Variants in ZC3H11C observed in about 807,000 individuals in gnomAD.
ZC3H11C encodes zinc finger CCCH domain-containing protein 11C.
chr6:65,306,377 G>C, the ZC3H11C span, among the ~76,000 whole-genome samples: 1 of 152,166 alleles, frequency 6.6e-6, no homozygotes, highest in Non-Finnish European at 1.5e-5. Flanking sequence ...TTTATGTATC[G>C]ACACACCTCT....
the ZC3H11C span, among the ~76,000 whole-genome samples, chr6:65,306,260 C>T: frequency 1.3e-5 from 2 of 152,190 alleles, no homozygotes; most frequent in African/African-American, 4.8e-5. Context: ...AAGAGTTGAA[C>T]TTCACGTAGC....
At chr6:65,305,184 GA>G in the ZC3H11C span, among the ~76,000 whole-genome samples, 21 of 151,368 alleles carry the variant, frequency 1.4e-4, no homozygotes, top group East Asian at 3.9e-3. Flanking sequence ...CATCTTTTGA[GA>G]AAAAAGTTCT....
chr6:65,302,336 A>C, the ZC3H11C span, among the ~76,000 whole-genome samples: 1 of 152,208 alleles, frequency 6.6e-6, no homozygotes, highest in African/African-American at 2.4e-5. Context: ...ATTGGAACTC[A>C]GTGAAGACAC....
At chr6:65,305,139 T>C in the ZC3H11C span, among the ~76,000 whole-genome samples, 1 of 149,180 alleles carries the variant, frequency 6.7e-6, no homozygotes, top group East Asian at 2.0e-4. Flanking sequence ...AAAGTTACTT[T>C]ATAACCATTT....
the ZC3H11C span, among the ~76,000 whole-genome samples, chr6:65,305,916 A>G: frequency 6.6e-6 from 1 of 152,276 alleles, no homozygotes. Context: ...TATGGGCTGT[A>G]GCAGTACACT....
At chr6:65,302,652 GCTGTTTT>G in the ZC3H11C span, 1 of 1,314,676 alleles carries the variant, frequency 7.6e-7, no homozygotes, top group Non-Finnish European at 1.1e-6. Flanking sequence ...CAAGAAGGGC[GCTGTTTT>G]CGACGGGTGT....
the ZC3H11C span, among the ~76,000 whole-genome samples, chr6:65,305,807 T>C: frequency 6.6e-6 from 1 of 152,184 alleles, no homozygotes; most frequent in Non-Finnish European, 1.5e-5. Flanking sequence ...ATTTTTTATT[T>C]CTAATTCTCC....
the ZC3H11C span, among the ~76,000 whole-genome samples, chr6:65,305,496 G>A: frequency 6.6e-6 from 1 of 152,216 alleles, no homozygotes; most frequent in Admixed American, 6.5e-5. Flanking sequence ...AGAGGGCTGA[G>A]CAGCTCAGGA....
the ZC3H11C span, chr6:65,302,432 C>G: frequency 1.6e-6 from 1 of 632,734 alleles, no homozygotes; most frequent in Non-Finnish European, 2.9e-6. Flanking sequence ...AGATTAAACC[C>G]ATTTCACGAG....
the ZC3H11C span, among the ~76,000 whole-genome samples, chr6:65,305,285 C>G: frequency 1.3e-5 from 2 of 152,150 alleles, no homozygotes; most frequent in South Asian, 4.1e-4. Context: ...AGGTGTTTGT[C>G]AGTTTTGGCT....
At chr6:65,305,293 G>A in the ZC3H11C span, among the ~76,000 whole-genome samples, 3 of 152,276 alleles carry the variant, frequency 2.0e-5, no homozygotes, top group South Asian at 6.2e-4. Context: ...GTCAGTTTTG[G>A]CTTTTTTCTC....
chr6:65,302,317 G>T, the ZC3H11C span, among the ~76,000 whole-genome samples: 1 of 152,200 alleles, frequency 6.6e-6, no homozygotes, highest in Non-Finnish European at 1.5e-5. Flanking sequence ...CGACCTACAG[G>T]CGTAATAGAT....
At chr6:65,301,650 G>T in the ZC3H11C span, among the ~76,000 whole-genome samples, 1 of 152,230 alleles carries the variant, frequency 6.6e-6, no homozygotes, top group African/African-American at 2.4e-5. Flanking sequence ...ACCTTATTCC[G>T]GTATCCTACA....
chr6:65,302,375 A>G, the ZC3H11C span: 2 of 682,098 alleles, frequency 2.9e-6, no homozygotes, highest in Non-Finnish European at 5.3e-6. Flanking sequence ...CAATCAGCTA[A>G]TGATTACAGT....
the ZC3H11C span, chr6:65,302,849 G>T: frequency 6.2e-7 from 1 of 1,611,980 alleles, no homozygotes; most frequent in African/African-American, 1.3e-5. Context: ...TGAGTCACCA[G>T]AAGAGGAAGT....
At chr6:65,306,056 T>A in the ZC3H11C span, among the ~76,000 whole-genome samples, 1 of 152,186 alleles carries the variant, frequency 6.6e-6, no homozygotes, top group African/African-American at 2.4e-5. Flanking sequence ...AGGTTTAGAT[T>A]TGTGAAGGAA....
the ZC3H11C span, among the ~76,000 whole-genome samples, chr6:65,305,878 G>A: frequency 6.6e-6 from 1 of 152,088 alleles, no homozygotes; most frequent in Admixed American, 6.5e-5. Context: ...GGGAAAAAAT[G>A]AGCTTATTCA....
chr6:65,306,419 A>G, the ZC3H11C span, among the ~76,000 whole-genome samples: 2 of 152,180 alleles, frequency 1.3e-5, no homozygotes, highest in South Asian at 2.1e-4. Context: ...TGAATGTTGT[A>G]TGATAGCCCT....
chr6:65,301,870 G>A, the ZC3H11C span, among the ~76,000 whole-genome samples: 1 of 152,238 alleles, frequency 6.6e-6, no homozygotes. Flanking sequence ...TGAGAAGGAG[G>A]CTGTGGAACT....
Sources: gnomAD v4.1 joint callset for allele counts (sites outside exome capture counted in the v4.1 genomes callset) on GRCh38, gnomAD v4.1.1 for gene constraint, MANE v1.5 for transcripts, NCBI Gene and HGNC (gene_info 2026-07-23, HGNC 2026-07-21) for gene names.